CACNA1H: variants seen among roughly 807,000 people sequenced by gnomAD.
CACNA1H encodes voltage-dependent T-type calcium channel subunit alpha-1H.
Under a neutral mutation model 192.5 loss-of-function variants are expected in CACNA1H, and 149 were observed. The observed-to-expected ratio is 0.77, with a 90% CI of 0.68 to 0.89. The LOEUF (loss-of-function observed/expected upper bound fraction) is 0.89, where lower values mean the gene tolerates loss of function less well. Ranked by LOEUF, CACNA1H falls within the 40% of genes least tolerant of loss-of-function variation. The pLI is 0.00. For missense variants in CACNA1H, 4,257 were observed against 3,423.5 expected (o/e 1.24, Z -6.08); for synonymous variants, 2,202 against 1,475.2 (o/e 1.49, Z -11.29).
intron 12 of CACNA1H, chr16:1,206,567 G>C: frequency 2.0e-6 from 1 of 497,628 alleles, no homozygotes; most frequent in East Asian, 3.6e-5. Context: ...TACCGGGGGT[G>C]GGGGCAGGCA....
intron 2 of CACNA1H, among the ~76,000 whole-genome samples, chr16:1,163,361 C>T (rs771467291): frequency 6.6e-6 from 1 of 152,200 alleles, no homozygotes; most frequent in Non-Finnish European, 1.5e-5. Context: ...TACGAGTCTC[C>T]CCATGGCACC....
rs767021614 is a variant in CACNA1H, at chr16:1,211,721, G to A, written c.4482G>A (p.Leu1494=). ...ACCCTGGCTCTGGCCCTCAGGCCCTGATGTCGCTGTTCGTGCTGTCATCCA... is the reference window on the plus strand; with the variant it reads ...ACCCTGGCTCTGGCCCTCAGGCCCTAATGTCGCTGTTCGTGCTGTCATCCA... ...KYNFDNLGQA[L]MSLFVLSSKD... is the part of the protein sequence containing the mutation. The change falls in exon 24 of 35, where the codon CTG becomes CTA. Residue 1494 remains leucine (L), a synonymous_variant. Coordinates refer to ENST00000348261, the MANE Select transcript of CACNA1H (RefSeq NM_021098.3). 1.2e-6 allele frequency: 2 copies of A among 1,612,562 alleles called. No individual in the cohort carries two copies. The highest frequency in any genetic ancestry group is 1.1e-5 in the South Asian group (1 of 91,084).
chr16:1,175,712 C>T (rs1281515918), intron 2 of CACNA1H, among the ~76,000 whole-genome samples: 1 of 152,212 alleles, frequency 6.6e-6, no homozygotes, highest in Non-Finnish European at 1.5e-5. Context: ...AGATCTCCTT[C>T]CTAGAGGAAG....
chr16:1,220,499 C>T lies in CACNA1H; in HGVS notation c.6567C>T (p.Pro2189=), dbSNP rs1453508883. ...LGARRKKKMS[P]PCISVEPPAE... Reference sequence around the variant, plus strand: ...CGCGCAGAAAGAAGAAGATGAGCCCCCCCTGCATCTCGGTGGAACCCCCTG... The same window carrying T: ...CGCGCAGAAAGAAGAAGATGAGCCCTCCCTGCATCTCGGTGGAACCCCCTG... The change falls in exon 35 of 35, where the codon CCC becomes CCT. Residue 2189 remains proline (P), a synonymous_variant. Coordinates refer to ENST00000348261, the MANE Select transcript of CACNA1H (RefSeq NM_021098.3). The T allele has an allele frequency of 6.5e-7, 1 of 1,542,956 alleles. No individual in the cohort carries two copies. The highest frequency in any genetic ancestry group is 2.2e-5 in the Admixed American group (1 of 45,420).
chr16:1,205,331 C>T (rs879330854), intron 11 of CACNA1H, 66 bp downstream of exon 11: 9 of 1,490,988 alleles, frequency 6.0e-6, no homozygotes, highest in Non-Finnish European at 8.2e-6. Context: ...AGAAATCCCA[C>T]CTGCAGAGCA....
In CACNA1H at chr16:1,218,203, A is replaced by G. The variant is rs756536444; in HGVS notation, c.5446-7A>G. 1.3e-6 allele frequency: 2 copies of G among 1,546,666 alleles called. No individual in the cohort carries two copies. The highest frequency in any genetic ancestry group is 1.7e-6 in the Non-Finnish European group (2 of 1,144,522). ...GGACCCCGGCCCACAGCTGTCCCCC[A>G]CCGCAGGACACGCTGCGCGAGTGCT... On this transcript the variant is annotated splice_region_variant and splice_polypyrimidine_tract_variant and intron_variant, in intron 32 of 34. Coordinates refer to ENST00000348261, the MANE Select transcript of CACNA1H (RefSeq NM_021098.3).
intron 2 of CACNA1H, among the ~76,000 whole-genome samples, chr16:1,186,866 C>T (rs546926614): frequency 3.3e-5 from 5 of 152,320 alleles, no homozygotes; most frequent in East Asian, 3.9e-4. Context: ...GGCGGTCCGT[C>T]CCACTCCCGT....
intron 16 of CACNA1H, 94 bp from the exon 17 acceptor site, chr16:1,208,938 C>T (rs1054416637): frequency 4.4e-5 from 56 of 1,270,916 alleles, no homozygotes; most frequent in Non-Finnish European, 5.5e-5. Flanking sequence ...ATTAAATGAT[C>T]CACGTGTGGC....
At chr16:1,218,712 G>A (rs1970236328) in intron 33 of CACNA1H, 61 bp downstream of exon 33, 3 of 1,435,838 alleles carry the variant, frequency 2.1e-6, no homozygotes, top group Non-Finnish European at 2.8e-6. Flanking sequence ...GGAAGATGGG[G>A]GCAGGTGGGA....
chr16:1,172,622 T>A (rs1964480322), intron 2 of CACNA1H, among the ~76,000 whole-genome samples: 1 of 152,144 alleles, frequency 6.6e-6, no homozygotes, highest in Non-Finnish European at 1.5e-5. Flanking sequence ...CTTCTGTAAT[T>A]AAACGATTTA....
intron 2 of CACNA1H, among the ~76,000 whole-genome samples, chr16:1,170,524 C>T (rs917593538): frequency 1.1e-4 from 16 of 152,192 alleles, no homozygotes; most frequent in African/African-American, 3.6e-4. Flanking sequence ...CACCGGCCTG[C>T]GGACCCCCAC....
chr16:1,166,825 G>A (rs1274342864), intron 2 of CACNA1H, among the ~76,000 whole-genome samples: 2 of 152,144 alleles, frequency 1.3e-5, no homozygotes, highest in African/African-American at 2.4e-5. Flanking sequence ...TCTCTTCACC[G>A]CTGGTGGATG....
At chr16:1,195,243 C>G (rs1596381640) in intron 3 of CACNA1H, among the ~76,000 whole-genome samples, 160 bp downstream of exon 3, 1 of 88,128 alleles carries the variant, frequency 1.1e-5, no homozygotes, top group African/African-American at 4.3e-5. Flanking sequence ...CGAGGTGGGG[C>G]TGGGGGTGGG....
chr16:1,190,021 C>T (rs1410885897), intron 2 of CACNA1H, among the ~76,000 whole-genome samples: 2 of 152,192 alleles, frequency 1.3e-5, no homozygotes, highest in Non-Finnish European at 2.9e-5. Context: ...GGGGCTTGGT[C>T]CAGGGAGATG....
In CACNA1H at chr16:1,208,050, G is replaced by T. The variant is rs1417265301; in HGVS notation, c.3192G>T (p.Gly1064=). ...KMCSLAVTPN[G]HLEGRGSLSP... ...GTTCCCTGGCCGTGACCCCCAACGG[G>T]CACCTGGAGGGACGAGGCAGCCTGT... is the stretch of plus-strand genomic sequence containing the variant. Residue 1064 remains glycine, a synonymous_variant, in exon 16 of 35, where the codon GGG becomes GGT. Transcript: ENST00000348261. 1.2e-6 allele frequency: 2 copies of T among 1,607,108 alleles called. No homozygotes were observed. The highest frequency in any genetic ancestry group is 2.7e-5 in the African/African-American group (2 of 74,778).
Position 1,153,818 on chromosome 16 carries a change from G to C in CACNA1H, c.81G>C (p.Gly27=). 7.9e-7 allele frequency: 1 copy of C among 1,273,484 alleles called. No individual in the cohort carries two copies. The highest frequency in any genetic ancestry group is 9.9e-7 in the Non-Finnish European group (1 of 1,010,638). 78.9% of individuals were successfully genotyped at this position (1,273,484 alleles called of 1,614,324 possible). ...CCCCTGGCCCTGCGGCGTTGGTGGG[G>C]GCGTCCCCGGAGAGCCCCGGGGCGC... ...APPPGPAALV[G]ASPESPGAPG... The change falls in exon 2 of 35, where the codon GGG becomes GGC. Residue 27 remains glycine (G), a synonymous_variant. Transcript: ENST00000348261.
Position 1,207,343 on chromosome 16 carries a change from C to G in CACNA1H, c.2976C>G (p.Ala992=). 2 of 1,612,678 alleles carry G rather than the reference C, an allele frequency of 1.2e-6. No homozygotes were observed. Among genetic ancestry groups the G allele is most frequent in the Non-Finnish European group, 1.7e-6 (2 of 1,179,566 alleles). ...NGMASTSSWA[A]LYFVALMTFG... ...TGGCCTCCACCTCCTCCTGGGCCGC[C>G]CTCTACTTCGTGGCCCTCATGACCT... Residue 992 remains alanine, a synonymous_variant, in exon 14 of 35, where the codon GCC becomes GCG. Coordinates refer to ENST00000348261, the MANE Select transcript of CACNA1H (RefSeq NM_021098.3).
chr16:1,217,630 C>A (rs1240934685), intron 31 of CACNA1H, among the ~76,000 whole-genome samples: 4 of 152,226 alleles, frequency 2.6e-5, no homozygotes, highest in African/African-American at 9.6e-5. Context: ...CCTACTCATC[C>A]CCCGCCACGC....
rs954264851 is a variant in CACNA1H, at chr16:1,209,199, C to T, written c.3531C>T (p.Asp1177=). ...LSGEGKGSTD[D]EAEDGRAAPG... Reference sequence around the variant, plus strand: ...GCGAGGGCAAGGGCAGCACCGACGACGAAGCTGAGGACGGCAGGGCCGCGC... The same window carrying T: ...GCGAGGGCAAGGGCAGCACCGACGATGAAGCTGAGGACGGCAGGGCCGCGC... Residue 1177 remains aspartate, a synonymous_variant, in exon 17 of 35, where the codon GAC becomes GAT. Transcript: ENST00000348261. 13 of 1,551,978 alleles carry T rather than the reference C, an allele frequency of 8.4e-6. No individual in the cohort carries two copies. The highest frequency in any genetic ancestry group is 4.9e-5 in the East Asian group (2 of 41,072).
Sources: gnomAD v4.1 joint callset for allele counts (sites outside exome capture counted in the v4.1 genomes callset) on GRCh38, gnomAD v4.1.1 for gene constraint, MANE v1.5 for transcripts, NCBI Gene and HGNC (gene_info 2026-07-23, HGNC 2026-07-21) for gene names.